AZIN2: variants seen among roughly 807,000 people sequenced by gnomAD.
AZIN2 encodes the protein antizyme inhibitor 2.
Under a neutral mutation model 47.8 loss-of-function variants are expected in AZIN2, and 28 were observed. The observed-to-expected ratio is 0.59, with a 90% confidence interval of 0.43 to 0.80. The LOEUF is 0.80. Among genes scored for constraint, AZIN2 ranks in the 30% least tolerant of loss-of-function variants. The pLI is 0.00. For missense variants in AZIN2, 535 were observed against 582.5 expected, an observed-to-expected ratio of 0.92 and a Z score of 0.84; for synonymous variants, 221 against 239.4, an observed-to-expected ratio of 0.92 and a Z score of 0.71.
At chr1:33,129,132 C>T in the AZIN2 span, among the ~76,000 whole-genome samples, 19 of 152,004 alleles carry the variant, frequency 1.2e-4, no homozygotes, top group Non-Finnish European at 5.9e-5. This position sits in a 1 kb window ranked among gnomAD's most constrained non-coding sequence, Gnocchi z 4.1. Flanking sequence ...TTCTGGGAAC[C>T]GGAGTATAGG....
chr1:33,093,173 T>G, intron 6 of AZIN2, 109 bp from the exon 7 acceptor site: 2 of 1,442,178 alleles, frequency 1.4e-6, no homozygotes, highest in Non-Finnish European at 1.9e-6. Flanking sequence ...AGGGAGCCTG[T>G]GGGGTTGGGT....
chr1:33,142,121 C>A, the AZIN2 span: 1 of 152,242 alleles, frequency 6.6e-6, no homozygotes, highest in African/African-American at 2.4e-5. Flanking sequence ...CCTCTCCCAC[C>A]TCCCACCTCC....
the AZIN2 span, among the ~76,000 whole-genome samples, chr1:33,139,025 G>A: frequency 6.6e-6 from 1 of 152,210 alleles, no homozygotes; most frequent in Non-Finnish European, 1.5e-5. Flanking sequence ...CGCACTGACT[G>A]TTAATAGCTG....
rs188705984 is a variant in AZIN2 at position 33,123,412 on chromosome 1, G to A, written c.*3230G>A. On this transcript the variant is annotated 3_prime_UTR_variant, in exon 12 of 12. Transcript: ENST00000294517. ...TGTCCTTATTACCTAGAACGGAGTA[G>A]GTGTTCAAAAAGTATATGCTGGATG... Among the ~76,000 whole-genome samples, 1 of 152,312 alleles carries A rather than the reference G, an allele frequency of 6.6e-6. No individual in the cohort carries two copies. Among genetic ancestry groups the A allele is most frequent in the East Asian group, 1.9e-4 (1 of 5,188 alleles).
At chr1:33,145,800 A>C in the AZIN2 span, 1 of 466,694 alleles carries the variant, frequency 2.1e-6, no homozygotes, top group East Asian at 7.0e-5. Flanking sequence ...GTTCTTCACG[A>C]TTGGATGCTG....
intron 6 of AZIN2, among the ~76,000 whole-genome samples, chr1:33,092,846 C>A (rs1405111738): frequency 1.3e-5 from 2 of 152,154 alleles, no homozygotes; most frequent in Non-Finnish European, 2.9e-5. Flanking sequence ...TTACTGGACA[C>A]CCTTGGACTT....
chr1:33,084,235 C>T lies in AZIN2; in HGVS notation c.279+108C>T, dbSNP rs188771775. 221 of 1,374,912 alleles carry T rather than the reference C, an allele frequency of 1.6e-4. 1 individual carries two copies. The African/African-American group carries it at 2.6e-3, about 16-fold the overall frequency. The allele number at this position is 1,374,912 out of a possible 1,614,324, so 85.2% of individuals were successfully genotyped here. A position where few individuals can be genotyped will look rare whatever the true frequency, so the allele number is the denominator to read the frequency against. ...GAGCAAGAGGTACCTGTAGTTGGTC[C>T]TTGCCCTCTGGGAAGACCACCCACT... On this transcript the variant is annotated intron_variant, in intron 5 of 11. Transcript: ENST00000294517.
chr1:33,103,814 T>A (rs915627141), intron 10 of AZIN2, among the ~76,000 whole-genome samples: 25 of 152,124 alleles, frequency 1.6e-4, no homozygotes, highest in Admixed American at 1.1e-3. Context: ...GTCTCACATC[T>A]GTTCATATCT....
At chr1:33,134,428 A>G in the AZIN2 span, among the ~76,000 whole-genome samples, 711 of 152,288 alleles carry the variant, frequency 4.7e-3, 19 homozygotes, top group East Asian at 0.088. Context: ...GAGGAATCCA[A>G]TAATACTGCC....
In AZIN2 at chr1:33,094,579, C is replaced by G. The variant is rs1373311479; in HGVS notation, c.619C>G (p.Gln207Glu). 6.2e-7 allele frequency: 1 copy of G among 1,614,080 alleles called. No individual in the cohort carries two copies. Among genetic ancestry groups the G allele is most frequent in the African/African-American group, 1.3e-5 (1 of 75,052 alleles). Residue 207 changes from glutamine to glutamate, a missense_variant, in exon 8 of 12, where the codon CAG becomes GAG. This residue lies in a region of AZIN2 where 409 missense variants were observed against 429.0 expected (regional missense o/e 0.95). Transcript: ENST00000294517. ...CATTGGCAGTGGCTGTCCTGACCCT[C>G]AGGCCTATGCTCAGTCCATCGCAGA... ...FHIGSGCPDP[Q>E]AYAQSIADAR...
At position 33,120,273 on chromosome 1, in the gene AZIN2, C is replaced by G. The variant is rs1268678790; in HGVS notation, c.*91C>G. 2.6e-6 allele frequency: 4 copies of G among 1,517,076 alleles called. No individual in the cohort carries two copies. Among genetic ancestry groups the G allele is most frequent in the Non-Finnish European group, 3.5e-6 (4 of 1,130,054 alleles). 94.0% of individuals were successfully genotyped at this position (1,517,076 alleles called of 1,614,324 possible). A position where few individuals can be genotyped will look rare whatever the true frequency, so the allele number is the denominator to read the frequency against. On this transcript the variant is annotated 3_prime_UTR_variant, in exon 12 of 12. Coordinates refer to ENST00000294517, the MANE Select transcript of AZIN2 (RefSeq NM_052998.4). ...AGATGGCAGGCAAGGGTACCCTTGG[C>G]CAGGACTCTGGTGCCCACCCTGCCA...
chr1:33,156,632 C>T, the AZIN2 span, among the ~76,000 whole-genome samples: 1 of 152,160 alleles, frequency 6.6e-6, no homozygotes, highest in Non-Finnish European at 1.5e-5. Context: ...TTTCTATCCG[C>T]CCCCACTTCC....
chr1:33,114,250 C>G (rs1051095671), intron 10 of AZIN2, among the ~76,000 whole-genome samples: 6 of 151,152 alleles, frequency 4.0e-5, no homozygotes, highest in African/African-American at 1.2e-4. Flanking sequence ...TCCTGAGTAG[C>G]TGAGATTACA....
intron 10 of AZIN2, among the ~76,000 whole-genome samples, chr1:33,115,318 C>T (rs184933959): frequency 6.4e-4 from 97 of 152,224 alleles, no homozygotes; most frequent in African/African-American, 2.2e-3. Flanking sequence ...TTTGCAGATG[C>T]TTGTCCATTT....
intron 5 of AZIN2, among the ~76,000 whole-genome samples, chr1:33,087,074 A>T (rs1408033094): frequency 6.6e-6 from 1 of 152,166 alleles, no homozygotes; most frequent in Non-Finnish European, 1.5e-5. Flanking sequence ...AAAAGAAACT[A>T]GGACATCAGC....
At chr1:33,151,057 G>T in the AZIN2 span, among the ~76,000 whole-genome samples, 1 of 152,112 alleles carries the variant, frequency 6.6e-6, no homozygotes, top group Admixed American at 6.5e-5. Context: ...CTCAGCTTCA[G>T]ACTTGTAGCT....
chr1:33,153,912 C>T, the AZIN2 span, among the ~76,000 whole-genome samples: 1 of 152,210 alleles, frequency 6.6e-6, no homozygotes, highest in Non-Finnish European at 1.5e-5. Context: ...CCTCACAGTT[C>T]ACAGTCTAGT....
the AZIN2 span, among the ~76,000 whole-genome samples, chr1:33,152,143 CA>C: frequency 1.3e-5 from 2 of 152,198 alleles, no homozygotes; most frequent in African/African-American, 4.8e-5. Context: ...ACTGAGGCTC[CA>C]AGGAGACAAC....
intron 10 of AZIN2, among the ~76,000 whole-genome samples, chr1:33,114,554 C>G (rs953102113): frequency 8.6e-5 from 13 of 151,228 alleles, no homozygotes; most frequent in Admixed American, 8.6e-4. Context: ...GGGGTTTCAC[C>G]GTGTTAGCCA....
Sources: allele counts gnomAD v4.1 joint callset (sites outside exome capture counted in the v4.1 genomes callset), GRCh38; gene constraint gnomAD v4.1.1; regional missense constraint gnomAD v4.1.1; non-coding constraint Gnocchi (gnomAD v3.1); transcripts MANE v1.5; gene names NCBI Gene and HGNC (gene_info 2026-07-23, HGNC 2026-07-21).